APPBP2: variants seen among roughly 807,000 people sequenced by gnomAD.
APPBP2 encodes amyloid protein-binding protein 2.
APPBP2 carries 15 observed loss-of-function variants against 76.0 expected under a neutral mutation model. The ratio of observed to expected loss-of-function variants is 0.20; its 90% CI spans 0.13 to 0.30. APPBP2 has a LOEUF of 0.30. APPBP2 is among the 10% of genes least tolerant of loss of function. The pLI is 1.00. For missense variants in APPBP2, 401 were observed against 687.2 expected, an observed-to-expected ratio of 0.58 and a Z score of 4.66; for synonymous variants, 222 against 242.2, an observed-to-expected ratio of 0.92 and a Z score of 0.77.
intron 2 of APPBP2, among the ~76,000 whole-genome samples, chr17:60,499,088 T>C (rs1291599292): frequency 2.0e-5 from 3 of 152,216 alleles, no homozygotes; most frequent in Non-Finnish European, 4.4e-5. Context: ...CCCAGCACTT[T>C]GGAAGACTGA....
intron 3 of APPBP2, among the ~76,000 whole-genome samples, chr17:60,491,275 G>A (rs917547046): frequency 2.0e-5 from 3 of 152,168 alleles, no homozygotes; most frequent in Admixed American, 6.5e-5. Context: ...AAAGACTGGT[G>A]ACATTTTGTC....
At chr17:60,457,722 G>A (rs7225720) in intron 9 of APPBP2, among the ~76,000 whole-genome samples, 3 of 152,108 alleles carry the variant, frequency 2.0e-5, no homozygotes, top group Non-Finnish European at 4.4e-5. Flanking sequence ...GGGCCACCAC[G>A]CCTGGCCCAT....
At chr17:60,493,545 GCTGGTCTCGAACTC>G (rs1180561945) in intron 3 of APPBP2, among the ~76,000 whole-genome samples, 1 of 151,834 alleles carries the variant, frequency 6.6e-6, no homozygotes, top group Admixed American at 6.6e-5. Flanking sequence ...TGTTGCCCAG[GCTGGTCTCGAACTC>G]CTGGGCTCAA....
chr17:60,460,855 G>A, intron 8 of APPBP2, 68 bp from the exon 9 acceptor site: 1 of 1,492,964 alleles, frequency 6.7e-7, no homozygotes, highest in Non-Finnish European at 9.1e-7. Flanking sequence ...AAACATCCTA[G>A]TAATTTAAAT....
rs375986323 is a variant in APPBP2 at position 60,454,368 on chromosome 17, A to C, written c.1272T>G (p.Phe424Leu). The stretch of plus-strand genomic sequence containing the variant: ...CATAGTGTTTTGCAGTCTGTACATT[A>C]AATTCCCCAAAAGCTTTTTTAGCTA... ...LQLAKKAFGE[F>L]NVQTAKHYGN... is the part of the protein sequence containing the mutation. Residue 424 changes from phenylalanine (F) to leucine (L), a missense_variant, in exon 11 of 13, where the codon TTT becomes TTG. Coordinates refer to ENST00000083182, the MANE Select transcript of APPBP2 (RefSeq NM_006380.5). 2 of 1,611,366 alleles carry C rather than the reference A, an allele frequency of 1.2e-6. No individual in the cohort carries two copies. The highest frequency in any genetic ancestry group is 1.7e-6 in the Non-Finnish European group (2 of 1,178,828).
At chr17:60,489,668 G>A (rs930809728) in intron 3 of APPBP2, among the ~76,000 whole-genome samples, 3 of 150,212 alleles carry the variant, frequency 2.0e-5, no homozygotes, top group African/African-American at 7.3e-5. Flanking sequence ...TGGGAAGGAT[G>A]TATACGCACG....
intron 3 of APPBP2, among the ~76,000 whole-genome samples, chr17:60,487,042 A>G (rs953097760): frequency 6.6e-6 from 1 of 152,172 alleles, no homozygotes; most frequent in South Asian, 2.1e-4. Flanking sequence ...TCTGGCTTGT[A>G]GAGTTTCTGC....
At chr17:60,501,284 A>T (rs185162084) in intron 1 of APPBP2, among the ~76,000 whole-genome samples, 5 of 152,222 alleles carry the variant, frequency 3.3e-5, no homozygotes, top group Admixed American at 6.5e-5. Context: ...CTGTCTCTAG[A>T]ATACACAGCC....
chr17:60,517,655 T>A (rs1048433779), intron 1 of APPBP2, among the ~76,000 whole-genome samples: 2 of 152,228 alleles, frequency 1.3e-5, no homozygotes, highest in Non-Finnish European at 2.9e-5. Context: ...ATCATAGTGC[T>A]GTCTCACTTT....
chr17:60,464,185 A>T, intron 5 of APPBP2, 75 bp from the exon 6 acceptor site: 2 of 1,119,168 alleles, frequency 1.8e-6, no homozygotes, highest in Non-Finnish European at 1.3e-6. Context: ...ATGACTGCAA[A>T]ATTTTTCTAC....
intron 10 of APPBP2, 40 bp from the exon 11 acceptor site, chr17:60,454,532 T>C: frequency 7.3e-7 from 1 of 1,362,946 alleles, no homozygotes; most frequent in Non-Finnish European, 1.0e-6. Flanking sequence ...TTCAAAACCA[T>C]CTACCAAAGC....
chr17:60,453,603 G>A (rs2090412167), intron 11 of APPBP2, among the ~76,000 whole-genome samples: 1 of 150,328 alleles, frequency 6.7e-6, no homozygotes, highest in Non-Finnish European at 1.5e-5. Context: ...GCAGTGGTGT[G>A]ATCAGAGCTC....
chr17:60,460,917 T>A (rs1157707612), intron 8 of APPBP2, 130 bp from the exon 9 acceptor site: 2 of 878,684 alleles, frequency 2.3e-6, no homozygotes, highest in East Asian at 3.1e-5. Flanking sequence ...AAAGTCCTGC[T>A]GTATTTAAAT....
intron 1 of APPBP2, among the ~76,000 whole-genome samples, chr17:60,519,522 G>T (rs537697537): frequency 6.6e-6 from 1 of 151,822 alleles, no homozygotes; most frequent in East Asian, 1.9e-4. Flanking sequence ...AATTAACCAG[G>T]TGTGGTGGCA....
chr17:60,502,815 C>T (rs1042076189), intron 1 of APPBP2, among the ~76,000 whole-genome samples: 4 of 146,094 alleles, frequency 2.7e-5, no homozygotes, highest in African/African-American at 1.1e-4. Context: ...CGCGCCACTG[C>T]ACTCCAGCCT....
At chr17:60,482,569 C>T (rs574598599) in intron 3 of APPBP2, among the ~76,000 whole-genome samples, 14 of 152,254 alleles carry the variant, frequency 9.2e-5, no homozygotes, top group Admixed American at 7.2e-4. Flanking sequence ...TTTCTCCTAA[C>T]GCTATCCCTC....
At chr17:60,498,472 AT>A (rs1242896480) in intron 2 of APPBP2, among the ~76,000 whole-genome samples, 1 of 152,188 alleles carries the variant, frequency 6.6e-6, no homozygotes, top group Non-Finnish European at 1.5e-5. Flanking sequence ...ACCAAAAAAC[AT>A]TTACAAGAAT....
At chr17:60,483,359 T>C (rs542302400) in intron 3 of APPBP2, among the ~76,000 whole-genome samples, 4 of 152,274 alleles carry the variant, frequency 2.6e-5, no homozygotes, top group African/African-American at 7.2e-5. Flanking sequence ...TTGCAAAAAT[T>C]TTCTCCATTC....
At chr17:60,486,745 G>A (rs2090682244) in intron 3 of APPBP2, among the ~76,000 whole-genome samples, 1 of 152,144 alleles carries the variant, frequency 6.6e-6, no homozygotes, top group South Asian at 2.1e-4. Context: ...TATGATGTTA[G>A]CCGGTTATTT....
Sources: gnomAD v4.1 joint callset for allele counts (sites outside exome capture counted in the v4.1 genomes callset) on GRCh38, gnomAD v4.1.1 for gene constraint, MANE v1.5 for transcripts, NCBI Gene and HGNC (gene_info 2026-07-23, HGNC 2026-07-21) for gene names.